Variants in WBP2NL observed in about 807,000 individuals in gnomAD.
WBP2NL encodes WBP2 N-terminal like, also known as postacrosomal sheath WW domain-binding protein.
WBP2NL carries 27 observed loss-of-function variants against 23.3 expected under a neutral mutation model. The ratio of observed to expected loss-of-function variants is 1.16; its 90% confidence interval spans 0.85 to 1.60. The LOEUF (loss-of-function observed/expected upper bound fraction) is 1.60. Among genes scored for constraint, WBP2NL ranks in the 40% most tolerant of loss-of-function variants. The probability of loss-of-function intolerance (pLI) is 0.00; values close to 1 mark genes in which losing one functional copy is unlikely to be tolerated. For synonymous variants in WBP2NL, 151 were observed against 145.9 expected (o/e 1.03, Z -0.25); for missense variants, 370 against 389.5 (o/e 0.95, Z 0.42).
At chr22:42,022,469 C>T (rs1010327334) in intron 5 of WBP2NL, 113 bp downstream of exon 5, 1 of 962,570 alleles carries the variant, frequency 1.0e-6, no homozygotes, top group African/African-American at 1.7e-5. Flanking sequence ...GCTTTAGGGG[C>T]TTGGAAAATG....
At chr22:42,002,570 CAG>C (rs984449398) in intron 1 of WBP2NL, 3 of 152,284 alleles carry the variant, frequency 2.0e-5, no homozygotes, top group African/African-American at 7.2e-5. Flanking sequence ...GCCTGGGTAA[CAG>C]GGTGAGGCTC....
At chr22:42,036,908 C>G (rs1265426453), downstream of WBP2NL, among the ~76,000 whole-genome samples, 3 of 152,100 alleles carry the variant, frequency 2.0e-5, no homozygotes, top group Admixed American at 6.5e-5. Context: ...ATTATTTCTT[C>G]TGCTCTGCAG....
intron 1 of WBP2NL, among the ~76,000 whole-genome samples, chr22:42,013,346 A>C (rs1248283901): frequency 2.6e-5 from 4 of 151,450 alleles, no homozygotes; most frequent in Admixed American, 2.6e-4. Context: ...AGATTGTGCC[A>C]TTGCACTCTA....
chr22:42,052,878 CAGG>C (rs1007949576), intron 8 of WBP2NL, among the ~76,000 whole-genome samples: 4 of 152,172 alleles, frequency 2.6e-5, no homozygotes, highest in African/African-American at 7.2e-5. Flanking sequence ...AGGCTCCAGT[CAGG>C]AGGCAAAAGC....
At chr22:42,045,696 T>A (rs1677861836) in intron 8 of WBP2NL, among the ~76,000 whole-genome samples, 1 of 152,204 alleles carries the variant, frequency 6.6e-6, no homozygotes, top group South Asian at 2.1e-4. Context: ...ATATGTATTT[T>A]AAAAATTGAG....
At chr22:42,029,932 A>T (rs537370344), downstream of WBP2NL, 43 of 152,338 alleles carry the variant, frequency 2.8e-4, no homozygotes, top group African/African-American at 1.0e-3. Flanking sequence ...TGCTTTCCTT[A>T]ACACAGCTTA....
chr22:42,030,000 A>G (rs1197132623), downstream of WBP2NL: 1 of 152,222 alleles, frequency 6.6e-6, no homozygotes, highest in Non-Finnish European at 1.5e-5. Flanking sequence ...CCATGTTCTC[A>G]AGGACAGCCT....
intron 8 of WBP2NL, among the ~76,000 whole-genome samples, chr22:42,044,112 G>A (rs1174752327): frequency 2.0e-5 from 3 of 152,186 alleles, no homozygotes; most frequent in African/African-American, 7.2e-5. Context: ...TTTCGGTTTG[G>A]AGAAGAGTTA....
chr22:42,054,110 A>G (rs749008512), intron 8 of WBP2NL, among the ~76,000 whole-genome samples: 1 of 152,024 alleles, frequency 6.6e-6, no homozygotes, highest in Non-Finnish European at 1.5e-5. Context: ...TTTTCTGGAT[A>G]GTATACTTTG....
At chr22:42,030,002 G>A (rs751615100), downstream of WBP2NL, 6 of 152,166 alleles carry the variant, frequency 3.9e-5, no homozygotes, top group Non-Finnish European at 5.9e-5. Flanking sequence ...ATGTTCTCAA[G>A]GACAGCCTTT....
At chr22:42,019,458 A>G in intron 2 of WBP2NL, 39 bp downstream of exon 2, 18 of 1,581,282 alleles carry the variant, frequency 1.1e-5, no homozygotes, top group Non-Finnish European at 1.6e-5. Flanking sequence ...GATTAACTCT[A>G]CATTTGTTTT....
downstream of WBP2NL, among the ~76,000 whole-genome samples, chr22:42,034,096 A>C (rs1925090932): frequency 2.0e-5 from 3 of 152,190 alleles, no homozygotes; most frequent in Non-Finnish European, 4.4e-5. Flanking sequence ...CATTGTGCCC[A>C]AAATCTGGAG....
Position 42,022,369 on chromosome 22 carries a change from A to G in WBP2NL, c.514+13A>G, listed in dbSNP as rs559372435. 2.6e-5 allele frequency: 41 copies of G among 1,594,960 alleles called. No homozygotes were observed. The South Asian group carries it at 2.9e-4, about 11-fold the overall frequency. ...ATGCCTTGTTCAGGTAAGGTATGGCAGAGAGGTTCTTCCTGGAAGGTGGAA... is the reference window on the plus strand; with the variant it reads ...ATGCCTTGTTCAGGTAAGGTATGGCGGAGAGGTTCTTCCTGGAAGGTGGAA... On this transcript the variant is annotated intron_variant, in intron 5 of 5. Coordinates refer to ENST00000328823, the MANE Select transcript of WBP2NL (RefSeq NM_152613.3).
chr22:42,035,955 C>G (rs1171465867), downstream of WBP2NL, among the ~76,000 whole-genome samples: 1 of 152,184 alleles, frequency 6.6e-6, no homozygotes, highest in Non-Finnish European at 1.5e-5. Flanking sequence ...ATAACTTCCT[C>G]CAGCTTCATT....
At chr22:42,007,941 G>T (rs192674092) in intron 1 of WBP2NL, among the ~76,000 whole-genome samples, 1 of 152,062 alleles carries the variant, frequency 6.6e-6, no homozygotes, top group Non-Finnish European at 1.5e-5. Flanking sequence ...TAGCTTGTAC[G>T]GTAGTTCTAT....
At chr22:42,036,377 T>C (rs1165158462), downstream of WBP2NL, among the ~76,000 whole-genome samples, 4 of 152,180 alleles carry the variant, frequency 2.6e-5, no homozygotes, top group Non-Finnish European at 4.4e-5. Flanking sequence ...GGTTTCAGCA[T>C]GTTAGCCAGG....
At chr22:42,022,392 G>A (rs992652005) in intron 5 of WBP2NL, 36 bp downstream of exon 5, 6 of 1,550,762 alleles carry the variant, frequency 3.9e-6, no homozygotes, top group Middle Eastern at 3.4e-4. Context: ...CTGGAAGGTG[G>A]AAAATTATGC....
chr22:42,027,071 A>G lies in WBP2NL; in HGVS notation c.820A>G (p.Arg274Gly), dbSNP rs143106379. ...AGNEGPPAGY[R>G]ASPAGSGARP... Reference sequence around the variant, plus strand: ...AAATGAAGGCCCGCCTGCGGGATACAGAGCCTCACCTGCTGGATCAGGAGC... The same window carrying G: ...AAATGAAGGCCCGCCTGCGGGATACGGAGCCTCACCTGCTGGATCAGGAGC... The change falls in exon 6 of 6, where the codon AGA becomes GGA. Residue 274 changes from arginine (R) to glycine (G), a missense_variant. Arg to Gly is a moderately radical substitution (Grantham distance 125, BLOSUM62 -2). Coordinates refer to ENST00000328823, the MANE Select transcript of WBP2NL (RefSeq NM_152613.3). 35 of 1,614,044 alleles carry G rather than the reference A, an allele frequency of 2.2e-5. No individual in the cohort carries two copies. The highest frequency in any genetic ancestry group is 2.5e-5 in the Non-Finnish European group (30 of 1,179,966).
chr22:42,014,224 A>G (rs1293908099), intron 1 of WBP2NL, among the ~76,000 whole-genome samples: 3 of 151,560 alleles, frequency 2.0e-5, no homozygotes, highest in Admixed American at 6.6e-5. Flanking sequence ...TCCGGCTCAG[A>G]TATTCTTTTT....
Sources: allele counts gnomAD v4.1 joint callset (sites outside exome capture counted in the v4.1 genomes callset), GRCh38; gene constraint gnomAD v4.1.1; transcripts MANE v1.5; gene names NCBI Gene and HGNC (gene_info 2026-07-23, HGNC 2026-07-21).